HDHD2: variants seen among roughly 807,000 people sequenced by gnomAD.
HDHD2 encodes haloacid dehalogenase-like hydrolase domain-containing protein 2.
Under a neutral mutation model 24.8 loss-of-function variants are expected in HDHD2, and 26 were observed. The ratio of observed to expected loss-of-function variants is 1.05; its 90% confidence interval spans 0.77 to 1.45. The LOEUF (loss-of-function observed/expected upper bound fraction) is 1.45, where lower values mean the gene tolerates loss of function less well. Ranked by LOEUF, HDHD2 falls within the 40% of genes most tolerant of loss-of-function variation. HDHD2 has a pLI of 0.00. For missense variants in HDHD2, 299 were observed against 313.4 expected, an observed-to-expected ratio of 0.95 and a Z score of 0.35; for synonymous variants, 128 against 114.9, an observed-to-expected ratio of 1.11 and a Z score of -0.73.
rs779655359 is a variant in HDHD2 at position 47,115,123 on chromosome 18, T to C, written c.612+9A>G. On this transcript the variant is annotated intron_variant, in intron 5 of 6. Transcript: ENST00000300605. ...GAGCTGGGAGCACCTCCTGGGTTCT[T>C]CTACTTACATCTCCTATCATGACAG... The C allele has an allele frequency of 1.6e-5, 25 of 1,607,894 alleles. No homozygotes were observed. The highest frequency in any genetic ancestry group is 1.9e-4 in the Middle Eastern group (1 of 5,268).
chr18:47,140,878 GTTA>G (rs1354348249), intron 1 of HDHD2, among the ~76,000 whole-genome samples: 2 of 152,000 alleles, frequency 1.3e-5, no homozygotes, highest in African/African-American at 4.8e-5. Context: ...GTAGTTGGTA[GTTA>G]TTATCTACAT....
intron 1 of HDHD2, among the ~76,000 whole-genome samples, chr18:47,146,790 T>C (rs2063875260): frequency 1.3e-5 from 2 of 152,072 alleles, no homozygotes; most frequent in Admixed American, 1.3e-4. Context: ...TACAGATGCA[T>C]ACATAGGTGA....
At chr18:47,114,295 G>GT (rs2063539370) in intron 5 of HDHD2, among the ~76,000 whole-genome samples, 1 of 152,328 alleles carries the variant, frequency 6.6e-6, no homozygotes. Flanking sequence ...TAGGGAGGGA[G>GT]TCCTGAGCTC....
intron 4 of HDHD2, among the ~76,000 whole-genome samples, chr18:47,122,500 G>T (rs2063616808): frequency 6.6e-6 from 1 of 152,028 alleles, no homozygotes; most frequent in South Asian, 2.1e-4. Context: ...TATTCCTTAG[G>T]GGGCAAAACT....
chr18:47,149,346 G>C (rs2063905983), intron 1 of HDHD2, among the ~76,000 whole-genome samples: 1 of 152,110 alleles, frequency 6.6e-6, no homozygotes, highest in Non-Finnish European at 1.5e-5. Flanking sequence ...AAACCCCTGG[G>C]AAGTACAAAT....
At chr18:47,115,468 T>C (rs542628230) in intron 4 of HDHD2, 120 bp from the exon 5 acceptor site, 5 of 636,360 alleles carry the variant, frequency 7.9e-6, no homozygotes, top group African/African-American at 7.4e-5. Flanking sequence ...TAGTTTCTTA[T>C]TAACTTTTAA....
rs916973418 is a variant in HDHD2, at chr18:47,110,525, T to C, written c.677-1740A>G. 134 of 985,202 alleles carry C rather than the reference T, an allele frequency of 1.4e-4. 2 individuals carry two copies. The highest frequency in any genetic ancestry group is 7.6e-5 in the Non-Finnish European group (63 of 829,814). 61.0% of individuals were successfully genotyped at this position (985,202 alleles called of 1,614,324 possible). On this transcript the variant is annotated intron_variant, in intron 6 of 6. Coordinates refer to ENST00000300605, the MANE Select transcript of HDHD2 (RefSeq NM_032124.5). ...TGGTCTAAGAGACAAATAAATAAGCTTCCTAGCCATGGAGTTAAAGGCTTT... is the reference window on the plus strand; with the variant it reads ...TGGTCTAAGAGACAAATAAATAAGCCTCCTAGCCATGGAGTTAAAGGCTTT...
At chr18:47,148,802 T>TA in intron 1 of HDHD2, among the ~76,000 whole-genome samples, 1 of 152,262 alleles carries the variant, frequency 6.6e-6, no homozygotes, top group East Asian at 1.9e-4. Flanking sequence ...AACAACTTCT[T>TA]AATTGTCCTC....
chr18:47,142,762 C>T (rs192676011), intron 1 of HDHD2, among the ~76,000 whole-genome samples: 2 of 152,182 alleles, frequency 1.3e-5, no homozygotes, highest in African/African-American at 4.8e-5. Flanking sequence ...CCACCCCTCA[C>T]CCCTTTCTAC....
intron 4 of HDHD2, among the ~76,000 whole-genome samples, chr18:47,118,841 G>A (rs757049004): frequency 2.0e-5 from 3 of 152,146 alleles, no homozygotes; most frequent in Non-Finnish European, 1.5e-5. Flanking sequence ...CACCAATCAA[G>A]GAGAGCTAGA....
chr18:47,135,472 G>C (rs952846998), intron 2 of HDHD2, among the ~76,000 whole-genome samples: 1 of 152,008 alleles, frequency 6.6e-6, no homozygotes, highest in Non-Finnish European at 1.5e-5. Context: ...TGTCGGTCAG[G>C]CTGGTCTCGA....
chr18:47,132,076 C>T (rs909811545), intron 3 of HDHD2, among the ~76,000 whole-genome samples: 5 of 152,096 alleles, frequency 3.3e-5, no homozygotes, highest in African/African-American at 9.7e-5. Flanking sequence ...CCCTTGCTTC[C>T]CCTTTAGGTA....
At chr18:47,112,800 T>C (rs2063525758) in intron 6 of HDHD2, among the ~76,000 whole-genome samples, 177 bp downstream of exon 6, 1 of 152,218 alleles carries the variant, frequency 6.6e-6, no homozygotes, top group African/African-American at 2.4e-5. Context: ...CCTAGCTTTG[T>C]ACAGCACGGG....
chr18:47,108,533 C>A lies in HDHD2; in HGVS notation c.*149G>T. The A allele has an allele frequency of 2.1e-6, 1 of 487,482 alleles. No individual in the cohort carries two copies. The highest frequency in any genetic ancestry group is 3.6e-6 in the Non-Finnish European group (1 of 279,364). The allele number at this position is 487,482 out of a possible 1,614,324, so 30.2% of individuals were successfully genotyped here. A position where few individuals can be genotyped will look rare whatever the true frequency, so the allele number is the denominator to read the frequency against. On this transcript the variant is annotated 3_prime_UTR_variant, in exon 7 of 7. Transcript: ENST00000300605. ...CTTACTGGCTAGCCGCAATTCAATA[C>A]CTTTCTTTCTAATTAATGCACAACA...
intron 1 of HDHD2, among the ~76,000 whole-genome samples, chr18:47,139,921 C>T (rs1011827856): frequency 6.6e-6 from 1 of 152,136 alleles, no homozygotes; most frequent in African/African-American, 2.4e-5. Flanking sequence ...AATGAAATTC[C>T]ATGTATCTAC....
intron 6 of HDHD2, among the ~76,000 whole-genome samples, chr18:47,112,616 A>G (rs960027946): frequency 6.6e-6 from 1 of 152,250 alleles, no homozygotes; most frequent in Admixed American, 6.5e-5. Context: ...AGAAATCAGT[A>G]TCACAGGTAT....
chr18:47,113,035 G>A lies in HDHD2; in HGVS notation c.618C>T (p.Cys206=), dbSNP rs139371426. ...PEEAVMIGDD[C]RDDVGGAQDV... Reference sequence around the variant, plus strand: ...CTTGAGCCCCACCAACATCATCCCTGCAATCCTAGAAAAGCATAAAGAAAG... The same window carrying A: ...CTTGAGCCCCACCAACATCATCCCTACAATCCTAGAAAAGCATAAAGAAAG... Residue 206 remains cysteine (C), a synonymous_variant, in exon 6 of 7, where the codon TGC becomes TGT. Transcript: ENST00000300605. The A allele has an allele frequency of 3.8e-4, 619 of 1,613,848 alleles. 4 individuals are homozygous for A. In the African/African-American group the frequency reaches 7.6e-3, roughly 20 times the overall value.
rs201270464 is a variant in HDHD2, at chr18:47,135,720, A to AT, written c.101+618dup. 1.3e-3 allele frequency among the ~76,000 whole-genome samples: 203 copies of AT among 151,602 alleles called. 2 individuals are homozygous for AT. In the East Asian group the frequency reaches 0.022, roughly 16 times the overall value. ...TTATTGGTTCTGTTGTGATTAGTTGATTTTTTTTTCAGGACACCCAGAAGC... is the reference window on the plus strand; with the variant it reads ...TTATTGGTTCTGTTGTGATTAGTTGATTTTTTTTTTCAGGACACCCAGAAGC... On this transcript the variant is annotated intron_variant, in intron 2 of 6. Coordinates refer to ENST00000300605, the MANE Select transcript of HDHD2 (RefSeq NM_032124.5).
intron 4 of HDHD2, among the ~76,000 whole-genome samples, chr18:47,120,385 T>C (rs2063594714): frequency 6.6e-6 from 1 of 152,254 alleles, no homozygotes; most frequent in Non-Finnish European, 1.5e-5. Flanking sequence ...TTAAACTTCA[T>C]GAACCATCCT....
Sources: gnomAD v4.1 joint callset for allele counts (sites outside exome capture counted in the v4.1 genomes callset) on GRCh38, gnomAD v4.1.1 for gene constraint, MANE v1.5 for transcripts, NCBI Gene and HGNC (gene_info 2026-07-23, HGNC 2026-07-21) for gene names.